Variants in MED15 observed in about 807,000 individuals in gnomAD.
The protein encoded by MED15 is mediator of RNA polymerase II transcription subunit 15.
Under a neutral mutation model 118.7 loss-of-function variants are expected in MED15, and 41 were observed. The observed-to-expected ratio is 0.35, with a 90% CI of 0.27 to 0.45. The LOEUF is 0.45. MED15 is among the 20% of genes least tolerant of loss of function. The pLI is 1.00. For missense variants in MED15, 740 were observed against 1,025.5 expected (o/e 0.72, Z 3.80); for synonymous variants, 436 against 413.9 (o/e 1.05, Z -0.65).
At chr22:20,568,111 G>T (rs1312697645) in intron 7 of MED15, among the ~76,000 whole-genome samples, 1 of 152,222 alleles carries the variant, frequency 6.6e-6, no homozygotes, top group Non-Finnish European at 1.5e-5. Context: ...AGAATGCTGA[G>T]AATACAGACA....
At chr22:20,543,202 CTTTTTTTTTTTTTTTTT>C (rs67565815) in intron 2 of MED15, among the ~76,000 whole-genome samples, 1 of 54,118 alleles carries the variant, frequency 1.8e-5, no homozygotes, top group African/African-American at 1.0e-4. Context: ...TTTCATGTTG[CTTTTTTTTTTTTTTTTT>C]TTTTTTTTTG....
rs77685518 is a variant in MED15 at position 20,540,443 on chromosome 22, G to A, written c.156+3239G>A. Among the ~76,000 whole-genome samples, 335 of 152,122 alleles carry A rather than the reference G, an allele frequency of 2.2e-3. 1 individual carries two copies. Among genetic ancestry groups the A allele is most frequent in the African/African-American group, 7.5e-3 (312 of 41,500 alleles). On this transcript the variant is annotated intron_variant, in intron 2 of 17. Transcript: ENST00000263205. ...AAAAACACCAGCCAGGCATGGTGGCGCGTGCCTGTAGTCCTGCCTAATCGA... is the reference window on the plus strand; with the variant it reads ...AAAAACACCAGCCAGGCATGGTGGCACGTGCCTGTAGTCCTGCCTAATCGA...
chr22:20,507,633 G>T lies in MED15; in HGVS notation c.-46G>T, dbSNP rs775262160. On this transcript the variant is annotated 5_prime_UTR_variant, in exon 1 of 18. Coordinates refer to ENST00000263205, the MANE Select transcript of MED15 (RefSeq NM_001003891.3). ...CTGGCTCTGTGACTGAGGCGGCGGC[G>T]GTGGCGGCCAAGCGGGATACGGGCG... 1 of 1,611,792 alleles carries T rather than the reference G, an allele frequency of 6.2e-7. No homozygotes were observed. Among genetic ancestry groups the T allele is most frequent in the Non-Finnish European group, 8.5e-7 (1 of 1,178,330 alleles).
rs568272941 is a variant in MED15, at chr22:20,583,488, A to C, written c.1736+95A>C. 4.1e-6 allele frequency: 6 copies of C among 1,466,854 alleles called. No individual in the cohort carries two copies. The East Asian group carries it at 1.1e-4, about 28-fold the overall frequency. 90.9% of individuals were successfully genotyped at this position (1,466,854 alleles called of 1,614,324 possible). A position where few individuals can be genotyped will look rare whatever the true frequency, so the allele number is the denominator to read the frequency against. On this transcript the variant is annotated intron_variant, in intron 13 of 17. Transcript: ENST00000263205. ...GTGATGATGTGGGTTTAACAAAGGCACCAGGCAGCTCTTTGGACCCTGGCC... is the reference window on the plus strand; with the variant it reads ...GTGATGATGTGGGTTTAACAAAGGCCCCAGGCAGCTCTTTGGACCCTGGCC...
chr22:20,545,124 T>C (rs1327093671), intron 2 of MED15, among the ~76,000 whole-genome samples: 2 of 152,174 alleles, frequency 1.3e-5, no homozygotes, highest in Non-Finnish European at 2.9e-5. Flanking sequence ...AGACAGAAAG[T>C]TGATTATTGA....
chr22:20,551,307 G>A, intron 2 of MED15, 129 bp from the exon 3 acceptor site: 1 of 864,992 alleles, frequency 1.2e-6, no homozygotes, highest in Non-Finnish European at 2.0e-6. Context: ...AGGAGGCCGA[G>A]CAAGCGTCTG....
intron 3 of MED15, chr22:20,552,486 C>T: frequency 2.5e-6 from 1 of 405,672 alleles, no homozygotes; most frequent in South Asian, 1.9e-5. Context: ...GAAGGAGCAG[C>T]CCAGATGATC....
intron 1 of MED15, among the ~76,000 whole-genome samples, chr22:20,513,239 T>C (rs1013841688): frequency 3.3e-5 from 5 of 151,950 alleles, no homozygotes; most frequent in Admixed American, 6.6e-5. Flanking sequence ...CTGGAGCCCC[T>C]GCTTTCTCCA....
At position 20,584,945 on chromosome 22, in the gene MED15, C is replaced by T; in HGVS notation, c.1894C>T (p.Pro632Ser). Residue 632 changes from proline to serine, a missense_variant, in exon 15 of 18, where the codon CCT becomes TCT. By Grantham distance (74) the Pro-to-Ser change is moderately conservative. Around this residue, in one of 7 missense-constraint regions of MED15, gnomAD observed 179 missense variants for 259.0 expected, o/e 0.69. Transcript: ENST00000263205. The stretch of plus-strand genomic sequence containing the variant: ...TGCCGTCCTGGCCAACATCCGCTCA[C>T]CTGTCTTCAACCATTCCCTGTACCG... ...LDAVLANIRSPVFNHSLYRTF... is the reference protein window; with the variant it reads ...LDAVLANIRSSVFNHSLYRTF... The T allele has an allele frequency of 6.2e-7, 1 of 1,614,108 alleles. No individual in the cohort carries two copies. The highest frequency in any genetic ancestry group is 8.5e-7 in the Non-Finnish European group (1 of 1,180,028).
In MED15 at chr22:20,570,318, C is replaced by T. The variant is rs561059528; in HGVS notation, c.1152+1687C>T. ...GATTACAGGCATGAGCCAATGCGCC[C>T]GGCTGGAAACTTCTGTACCGCAGGT... On this transcript the variant is annotated intron_variant, in intron 8 of 17. Coordinates refer to ENST00000263205, the MANE Select transcript of MED15 (RefSeq NM_001003891.3). Among the ~76,000 whole-genome samples, 21 of 152,088 alleles carry T rather than the reference C, an allele frequency of 1.4e-4. No homozygotes were observed. The South Asian group carries it at 4.0e-3, about 29-fold the overall frequency.
At chr22:20,532,728 C>T (rs1044396804) in intron 1 of MED15, among the ~76,000 whole-genome samples, 5 of 152,194 alleles carry the variant, frequency 3.3e-5, no homozygotes, top group African/African-American at 1.2e-4. Context: ...GTGGCCGCCT[C>T]ATAGGCCTGT....
intron 9 of MED15, among the ~76,000 whole-genome samples, chr22:20,575,932 A>G (rs2056811934): frequency 6.6e-6 from 1 of 152,156 alleles, no homozygotes; most frequent in Non-Finnish European, 1.5e-5. Context: ...CCAAAGTGGT[A>G]TTGGGCCATG....
rs138266844 is a variant in MED15 at position 20,553,778 on chromosome 22, T to C, written c.238+604T>C. Reference sequence around the variant, plus strand: ...CCCAACTACTCAGGAGGCTGAGGCATGAGAATCGCTTGAACCTGGGAGGCT... The same window carrying C: ...CCCAACTACTCAGGAGGCTGAGGCACGAGAATCGCTTGAACCTGGGAGGCT... On this transcript the variant is annotated intron_variant, in intron 4 of 17. Transcript: ENST00000263205. Among the ~76,000 whole-genome samples the C allele has an allele frequency of 6.6e-3, 1,007 of 152,166 alleles. 11 individuals carry two copies. Among genetic ancestry groups the C allele is most frequent in the African/African-American group, 0.022 (932 of 41,518 alleles).
At chr22:20,571,060 GAA>G (rs2056646676) in intron 8 of MED15, among the ~76,000 whole-genome samples, 1 of 152,078 alleles carries the variant, frequency 6.6e-6, no homozygotes, top group Non-Finnish European at 1.5e-5. Context: ...GTGCCCAGCC[GAA>G]CTTTCCTTTT....
In MED15 at chr22:20,570,746, C is replaced by CT. The variant is rs61109389; in HGVS notation, c.1152+2145dup. Among the ~76,000 whole-genome samples the CT allele has an allele frequency of 4.6e-3, 286 of 62,114 alleles. 14 individuals are homozygous for CT. The highest frequency in any genetic ancestry group is 0.03 in the Middle Eastern group (2 of 66). The allele number at this position is 62,114 out of a possible 152,430, so 40.7% of individuals were successfully genotyped here. ...TTTTCTTTTCTTTCTTTCTTTCTTTCTTTTTTTTTTTTTTTTTTTTTTTTT... is the reference window on the plus strand; with the variant it reads ...TTTTCTTTTCTTTCTTTCTTTCTTTCTTTTTTTTTTTTTTTTTTTTTTTTTT... On this transcript the variant is annotated intron_variant, in intron 8 of 17. Transcript: ENST00000263205.
At chr22:20,509,674 T>C (rs1159633115) in intron 1 of MED15, among the ~76,000 whole-genome samples, 1 of 152,084 alleles carries the variant, frequency 6.6e-6, no homozygotes, top group Non-Finnish European at 1.5e-5. Flanking sequence ...GTAGGGACTG[T>C]AGAGTTAGTA....
intron 9 of MED15, among the ~76,000 whole-genome samples, chr22:20,575,475 TC>T (rs940567832): frequency 6.6e-6 from 1 of 152,068 alleles, no homozygotes; most frequent in Non-Finnish European, 1.5e-5. Flanking sequence ...GTACGCATTT[TC>T]ATGGTAAAAA....
intron 4 of MED15, 129 bp downstream of exon 4, chr22:20,553,303 C>T: frequency 1.0e-6 from 1 of 974,156 alleles, no homozygotes; most frequent in Non-Finnish European, 1.6e-6. Flanking sequence ...GGAGAGAACT[C>T]TGGAGGGAGG....
Position 20,564,217 on chromosome 22 carries a change from CT to C in MED15, c.452-229del, listed in dbSNP as rs2056348987. 2.6e-5 allele frequency among the ~76,000 whole-genome samples: 4 copies of C among 152,310 alleles called. No individual in the cohort carries two copies. The South Asian group carries it at 8.3e-4, about 32-fold the overall frequency. On this transcript the variant is annotated intron_variant, in intron 5 of 17. Coordinates refer to ENST00000263205, the MANE Select transcript of MED15 (RefSeq NM_001003891.3). ...ATTTATCCAAAAGACTTAGTTGTCC[CT>C]TTTCTTTTGTCTTTGGTTATTATAG...
Sources: gnomAD v4.1 joint callset for allele counts (sites outside exome capture counted in the v4.1 genomes callset) on GRCh38, gnomAD v4.1.1 for gene constraint, gnomAD v4.1.1 regional missense constraint, MANE v1.5 for transcripts, NCBI Gene and HGNC (gene_info 2026-07-23, HGNC 2026-07-21) for gene names.